The following SDK1 variants were observed in gnomAD, a reference collection of about 807,000 sequenced individuals.
SDK1 encodes sidekick cell adhesion molecule 1, also known as protein sidekick-1.
SDK1 carries 157 observed loss-of-function variants against 245.5 expected under a neutral mutation model. The observed-to-expected ratio is 0.64, with a 90% CI of 0.56 to 0.73. The LOEUF is 0.73. SDK1 is among the 30% of genes least tolerant of loss of function. The probability of loss-of-function intolerance (pLI) is 0.00; values close to 1 mark genes in which losing one functional copy is unlikely to be tolerated. For synonymous variants in SDK1, 1,647 were observed against 1,278.5 expected (o/e 1.29, Z -6.15); for missense variants, 3,583 against 3,002.3 (o/e 1.19, Z -4.52).
At chr7:3,412,859 G>T (rs1779252434) in intron 1 of SDK1, among the ~76,000 whole-genome samples, 1 of 152,164 alleles carries the variant, frequency 6.6e-6, no homozygotes, top group Non-Finnish European at 1.5e-5. Flanking sequence ...TTTAATCACT[G>T]TGCTTTCAAC....
At position 3,719,266 on chromosome 7, in the gene SDK1, T is replaced by C. The variant is rs187305452; in HGVS notation, c.713+77161T>C. Among the ~76,000 whole-genome samples the C allele has an allele frequency of 2.2e-3, 327 of 148,746 alleles. 2 individuals carry two copies. The highest frequency in any genetic ancestry group is 7.1e-3 in the Admixed American group (105 of 14,874). On this transcript the variant is annotated intron_variant, in intron 4 of 44. Transcript: ENST00000404826. ...AAGGTTTTTTTTTTTTTTTTTTAAA[T>C]ATAGGTACTAGACCTAGACAGTCTC...
chr7:4,026,862 C>T lies in SDK1; in HGVS notation c.2602+9510C>T, dbSNP rs1236468357. Among the ~76,000 whole-genome samples, 4 of 152,158 alleles carry T rather than the reference C, an allele frequency of 2.6e-5. No individual in the cohort carries two copies. Among genetic ancestry groups the T allele is most frequent in the African/African-American group, 4.8e-5 (2 of 41,444 alleles). ...GTACACCCACCCAGCGGTGTGCGGC[C>T]GGTGACTCTACCAGGTAACGAACTC... On this transcript the variant is annotated intron_variant, in intron 17 of 44. Transcript: ENST00000404826. The surrounding 1 kb of genome is among the most constrained non-coding windows in gnomAD (Gnocchi z 4.1).
At chr7:3,744,135 G>A (rs945181152) in intron 4 of SDK1, among the ~76,000 whole-genome samples, 73 of 152,128 alleles carry the variant, frequency 4.8e-4, no homozygotes, top group African/African-American at 1.7e-3. Flanking sequence ...TGCCTTGAAT[G>A]CTATTCCTAA....
intron 32 of SDK1, among the ~76,000 whole-genome samples, chr7:4,162,848 T>G (rs1781240775): frequency 1.3e-5 from 2 of 152,320 alleles, no homozygotes; most frequent in East Asian, 1.9e-4. Flanking sequence ...AGTTTCAATT[T>G]TGGGCAATGC....
chr7:3,890,985 G>A, intron 5 of SDK1, among the ~76,000 whole-genome samples: 1 of 152,110 alleles, frequency 6.6e-6, no homozygotes, highest in East Asian at 1.9e-4. Context: ...GGCTTCACTG[G>A]GCCCAACCAG....
intron 1 of SDK1, among the ~76,000 whole-genome samples, chr7:3,415,765 C>G (rs550917457): frequency 2.0e-5 from 3 of 151,342 alleles, no homozygotes; most frequent in South Asian, 4.2e-4. Context: ...TGTTACATGA[C>G]TGTACATTTC....
At chr7:4,254,889 G>A (rs1429900084) in intron 44 of SDK1, among the ~76,000 whole-genome samples, 1 of 151,264 alleles carries the variant, frequency 6.6e-6, no homozygotes, top group Admixed American at 6.6e-5. Flanking sequence ...GGATGACTGT[G>A]GTTTTAGCTG....
chr7:4,178,458 T>C lies in SDK1; in HGVS notation c.4997-27T>C, dbSNP rs373606506. The C allele has an allele frequency of 7.7e-5, 118 of 1,525,828 alleles. 1 individual carries two copies. In the African/African-American group the frequency reaches 1.5e-3, roughly 19 times the overall value. The allele number at this position is 1,525,828 out of a possible 1,614,324, so 94.5% of individuals were successfully genotyped here. A position where few individuals can be genotyped will look rare whatever the true frequency, so the allele number is the denominator to read the frequency against. Reference sequence around the variant, plus strand: ...AAGAGAAGGTGGTCCTGGTGGAAGCTGATCCATATTTCCTTCAACCCTGCA... The same window carrying C: ...AAGAGAAGGTGGTCCTGGTGGAAGCCGATCCATATTTCCTTCAACCCTGCA... On this transcript the variant is annotated intron_variant, in intron 34 of 44. Transcript: ENST00000404826.
intron 4 of SDK1, among the ~76,000 whole-genome samples, chr7:3,748,751 C>A (rs1331114575): frequency 2.6e-5 from 4 of 152,080 alleles, no homozygotes; most frequent in Non-Finnish European, 5.9e-5. Context: ...TGACTGGGAA[C>A]AAAAAACAAA....
intron 4 of SDK1, among the ~76,000 whole-genome samples, chr7:3,722,459 C>T (rs555319933): frequency 5.3e-5 from 8 of 152,218 alleles, no homozygotes; most frequent in East Asian, 1.9e-4. Context: ...TGCAGGGCTG[C>T]GGCACTCACC....
intron 5 of SDK1, among the ~76,000 whole-genome samples, chr7:3,923,276 C>CT (rs202019269): frequency 2.2e-4 from 33 of 148,792 alleles, no homozygotes; most frequent in East Asian, 1.6e-3. Flanking sequence ...TTATTATGGA[C>CT]TTTTTTTTTT....
intron 13 of SDK1, among the ~76,000 whole-genome samples, chr7:3,986,657 A>C (rs377483457): frequency 2.0e-5 from 3 of 152,138 alleles, no homozygotes; most frequent in Non-Finnish European, 4.4e-5. Context: ...TCAGGAGTTC[A>C]AGACCAACCT....
chr7:4,197,255 G>C (rs1783632571), intron 35 of SDK1, among the ~76,000 whole-genome samples: 1 of 151,904 alleles, frequency 6.6e-6, no homozygotes, highest in Middle Eastern at 3.4e-3. Flanking sequence ...CTTGGGCTCA[G>C]GATTTGAGAC....
At chr7:3,513,302 A>G (rs896448328) in intron 1 of SDK1, among the ~76,000 whole-genome samples, 12 of 152,232 alleles carry the variant, frequency 7.9e-5, no homozygotes, top group African/African-American at 2.9e-4. Flanking sequence ...GACAGTAATA[A>G]TGACAGAGTC....
intron 1 of SDK1, among the ~76,000 whole-genome samples, chr7:3,381,471 CA>C (rs1168986612): frequency 6.6e-6 from 1 of 151,796 alleles, no homozygotes; most frequent in Non-Finnish European, 1.5e-5. Flanking sequence ...AAACTGATGC[CA>C]ACTACGCAGG....
chr7:3,657,143 G>C (rs1783211563), intron 4 of SDK1, among the ~76,000 whole-genome samples: 1 of 152,180 alleles, frequency 6.6e-6, no homozygotes, highest in African/African-American at 2.4e-5. Flanking sequence ...AAAGGGATGT[G>C]CTTGGAGGTC....
At chr7:3,679,459 C>T (rs999655194) in intron 4 of SDK1, among the ~76,000 whole-genome samples, 5 of 152,170 alleles carry the variant, frequency 3.3e-5, no homozygotes, top group South Asian at 2.1e-4. Context: ...CCCAGGTACT[C>T]GGGAGGCTGA....
intron 16 of SDK1, among the ~76,000 whole-genome samples, chr7:4,014,478 A>C (rs563873938): frequency 1.2e-4 from 19 of 152,280 alleles, no homozygotes; most frequent in South Asian, 6.2e-4. Context: ...TTGCTTAAAA[A>C]CATTTCCGCA....
At chr7:4,040,324 A>G (rs4526263) in intron 17 of SDK1, among the ~76,000 whole-genome samples, 47,687 of 151,996 alleles carry the variant, frequency 0.31, 11,712 homozygotes, top group African/African-American at 0.69. Flanking sequence ...GGTTCATCTG[A>G]GTGTGCTCAG....
Sources: gnomAD v4.1 joint callset for allele counts (sites outside exome capture counted in the v4.1 genomes callset) on GRCh38, gnomAD v4.1.1 for gene constraint, Gnocchi (gnomAD v3.1) non-coding constraint, MANE v1.5 for transcripts, NCBI Gene and HGNC (gene_info 2026-07-23, HGNC 2026-07-21) for gene names.